Variants in ZDHHC14 observed in about 807,000 individuals in gnomAD.
The protein encoded by ZDHHC14 is palmitoyltransferase ZDHHC14.
Under a neutral mutation model 47.7 loss-of-function variants are expected in ZDHHC14, and 16 were observed. The observed-to-expected ratio is 0.34, with a 90% CI of 0.23 to 0.51. ZDHHC14 has a LOEUF of 0.51. Ranked by LOEUF, ZDHHC14 falls within the 20% of genes least tolerant of loss-of-function variation. The pLI is 0.97. For missense variants in ZDHHC14, 515 were observed against 662.5 expected (o/e 0.78, Z 2.44); for synonymous variants, 293 against 278.9 (o/e 1.05, Z -0.50).
At chr6:157,383,810 G>A (rs1777260852) in intron 1 of ZDHHC14, among the ~76,000 whole-genome samples, 1 of 152,126 alleles carries the variant, frequency 6.6e-6, no homozygotes, top group South Asian at 2.1e-4. Context: ...GGAGGGGAAG[G>A]GTGTGAACAG....
chr6:157,501,870 T>TC, intron 1 of ZDHHC14, among the ~76,000 whole-genome samples: 1 of 152,196 alleles, frequency 6.6e-6, no homozygotes, highest in African/African-American at 2.4e-5. Context: ...ATGCCTTACT[T>TC]CTCCTAAAGA....
intron 1 of ZDHHC14, among the ~76,000 whole-genome samples, chr6:157,420,106 G>A (rs1212291156): frequency 6.6e-6 from 1 of 152,218 alleles, no homozygotes; most frequent in Non-Finnish European, 1.5e-5. Context: ...TCTCTAGCAT[G>A]GAATGAAAAC....
chr6:157,542,822 G>A, intron 2 of ZDHHC14, 77 bp downstream of exon 2: 1 of 1,525,562 alleles, frequency 6.6e-7, no homozygotes, highest in Non-Finnish European at 8.9e-7. Flanking sequence ...GCAGGCCGAG[G>A]GCTGTGCAGG....
chr6:157,458,512 A>G (rs1306948402), intron 1 of ZDHHC14, among the ~76,000 whole-genome samples: 2 of 152,198 alleles, frequency 1.3e-5, no homozygotes, highest in Admixed American at 6.5e-5. Context: ...ATGTCAATTC[A>G]AAAAATTCTT....
At chr6:157,605,499 G>T (rs1784503798) in intron 3 of ZDHHC14, among the ~76,000 whole-genome samples, 1 of 152,130 alleles carries the variant, frequency 6.6e-6, no homozygotes, top group South Asian at 2.1e-4. Context: ...ACCAAGCAAT[G>T]GGCTGGAAAG....
intron 2 of ZDHHC14, among the ~76,000 whole-genome samples, chr6:157,591,904 G>A (rs1245225112): frequency 6.6e-6 from 1 of 152,144 alleles, no homozygotes; most frequent in African/African-American, 2.4e-5. Flanking sequence ...CAGTCCCTTA[G>A]GTCTGGCTTG....
At chr6:157,454,951 G>A (rs996566714) in intron 1 of ZDHHC14, among the ~76,000 whole-genome samples, 1 of 152,212 alleles carries the variant, frequency 6.6e-6, no homozygotes, top group Admixed American at 6.5e-5. Flanking sequence ...TGACAGTCCT[G>A]TGAACAATGC....
chr6:157,434,020 T>C (rs933657653), intron 1 of ZDHHC14, among the ~76,000 whole-genome samples: 1 of 152,128 alleles, frequency 6.6e-6, no homozygotes, highest in Non-Finnish European at 1.5e-5. Context: ...TATCAGCCCA[T>C]GTGATGCCAG....
chr6:157,658,383 C>G (rs142524206), intron 8 of ZDHHC14, among the ~76,000 whole-genome samples: 2,953 of 152,218 alleles, frequency 0.019, 48 homozygotes, highest in Non-Finnish European at 0.03. Context: ...GCAGCTCCAC[C>G]AGGAGATTAG....
At chr6:157,415,873 C>CAA (rs754707638) in intron 1 of ZDHHC14, among the ~76,000 whole-genome samples, 11 of 111,774 alleles carry the variant, frequency 9.8e-5, no homozygotes, top group African/African-American at 3.2e-4. Context: ...GACTTTGTCT[C>CAA]AAAAAAAAAA....
At chr6:157,606,040 A>G (rs1562504027) in intron 3 of ZDHHC14, among the ~76,000 whole-genome samples, 1 of 152,206 alleles carries the variant, frequency 6.6e-6, no homozygotes, top group Non-Finnish European at 1.5e-5. Context: ...AACTTCTGTC[A>G]TATGTGTATA....
At chr6:157,668,515 T>C (rs1312616390) in intron 8 of ZDHHC14, among the ~76,000 whole-genome samples, 5 of 109,692 alleles carry the variant, frequency 4.6e-5, no homozygotes, top group African/African-American at 7.7e-5. Flanking sequence ...AAAACCCCCA[T>C]CTCCACTAAA....
intron 1 of ZDHHC14, among the ~76,000 whole-genome samples, chr6:157,492,207 C>A (rs983064705): frequency 2.4e-4 from 24 of 102,020 alleles, no homozygotes; most frequent in African/African-American, 8.3e-4. Flanking sequence ...TCCGCCCCCG[C>A]CCCCCAGCCA....
Position 157,673,871 on chromosome 6 carries a change from CCA to C in ZDHHC14, c.*752_*753del, listed in dbSNP as rs1778919563. 1 of 152,572 alleles carries C rather than the reference CCA, an allele frequency of 6.6e-6. No individual in the cohort carries two copies. The highest frequency in any genetic ancestry group is 1.5e-5 in the Non-Finnish European group (1 of 68,048). The allele number at this position is 152,572 out of a possible 1,614,324, so 9.5% of individuals were successfully genotyped here. ...GTTGAGATATTGTGTGCCACAACCC[CCA>C]CAGTCTTCACCTCCGTGTGTGATGA... is the stretch of plus-strand genomic sequence containing the variant. On this transcript the variant is annotated 3_prime_UTR_variant, in exon 9 of 9. Transcript: ENST00000359775. The surrounding 1 kb of genome is among the most constrained non-coding windows in gnomAD (Gnocchi z 5.4).
chr6:157,656,523 A>C (rs1309118406), intron 8 of ZDHHC14, among the ~76,000 whole-genome samples: 10 of 151,600 alleles, frequency 6.6e-5, no homozygotes, highest in Non-Finnish European at 1.5e-5. Flanking sequence ...TTTAGTAGAG[A>C]GGGGGTTTCA....
chr6:157,625,250 G>A (rs1785354602), intron 3 of ZDHHC14, among the ~76,000 whole-genome samples: 1 of 152,148 alleles, frequency 6.6e-6, no homozygotes, highest in South Asian at 2.1e-4. Flanking sequence ...TTTGGATGTG[G>A]GGGTGAGAGA....
At chr6:157,461,450 A>G (rs561793041) in intron 1 of ZDHHC14, among the ~76,000 whole-genome samples, 14 of 152,306 alleles carry the variant, frequency 9.2e-5, no homozygotes, top group Non-Finnish European at 1.8e-4. Context: ...GGGTTTTGGA[A>G]CTTTGCTTTC....
intron 1 of ZDHHC14, among the ~76,000 whole-genome samples, chr6:157,400,279 G>A (rs1221823796): frequency 6.6e-6 from 1 of 152,152 alleles, no homozygotes; most frequent in African/African-American, 2.4e-5. Context: ...GTGTGAGAAA[G>A]GCTGCTGTCA....
intron 1 of ZDHHC14, among the ~76,000 whole-genome samples, chr6:157,512,612 G>A (rs1780534873): frequency 6.6e-6 from 1 of 152,180 alleles, no homozygotes; most frequent in Non-Finnish European, 1.5e-5. Context: ...GAAGGCAGAT[G>A]TGGGAGGATA....
Sources: gnomAD v4.1 joint callset for allele counts (sites outside exome capture counted in the v4.1 genomes callset) on GRCh38, gnomAD v4.1.1 for gene constraint, Gnocchi (gnomAD v3.1) non-coding constraint, MANE v1.5 for transcripts, NCBI Gene and HGNC (gene_info 2026-07-23, HGNC 2026-07-21) for gene names.